Variants in WWTR1 observed in about 807,000 individuals in gnomAD.
WWTR1 encodes the protein WW domain containing transcription regulator 1.
WWTR1 carries 13 observed loss-of-function variants against 40.1 expected under a neutral mutation model. The observed-to-expected ratio is 0.32, with a 90% confidence interval of 0.21 to 0.52. The LOEUF (loss-of-function observed/expected upper bound fraction) is 0.52, where lower values mean the gene tolerates loss of function less well. Among genes scored for constraint, WWTR1 ranks in the 20% least tolerant of loss-of-function variants. The pLI is 0.97. For synonymous variants in WWTR1, 230 were observed against 210.1 expected (o/e 1.09, Z -0.82); for missense variants, 436 against 523.1 (o/e 0.83, Z 1.63).
At chr3:149,642,718 T>G (rs1432110553) in intron 2 of WWTR1, among the ~76,000 whole-genome samples, 2 of 147,082 alleles carry the variant, frequency 1.4e-5, no homozygotes, top group Non-Finnish European at 3.0e-5. Flanking sequence ...GAGCTTGCAG[T>G]GAGCCGAGAT....
chr3:149,608,673 G>C (rs1022761575), intron 2 of WWTR1, among the ~76,000 whole-genome samples: 5 of 152,114 alleles, frequency 3.3e-5, no homozygotes, highest in Admixed American at 3.3e-4. Context: ...ACAGGTGTGA[G>C]TCACCACGCC....
chr3:149,663,719 C>A (rs35094556), intron 2 of WWTR1, among the ~76,000 whole-genome samples: 1 of 151,918 alleles, frequency 6.6e-6, no homozygotes, highest in Non-Finnish European at 1.5e-5. Context: ...CTTATGAAAC[C>A]GCTCCTAAGA....
intron 1 of WWTR1, among the ~76,000 whole-genome samples, chr3:149,692,068 T>C (rs1714843847): frequency 6.6e-6 from 1 of 151,600 alleles, no homozygotes; most frequent in South Asian, 2.1e-4. Flanking sequence ...ACTCACACTA[T>C]TCCAAAAAAT....
intron 4 of WWTR1, among the ~76,000 whole-genome samples, chr3:149,530,129 C>T (rs1735497953): frequency 6.6e-6 from 1 of 151,936 alleles, no homozygotes; most frequent in African/African-American, 2.4e-5. Flanking sequence ...GGGTGGATCA[C>T]GAGGTCAGGA....
chr3:149,526,646 G>A (rs891016430), intron 5 of WWTR1, among the ~76,000 whole-genome samples: 1 of 152,178 alleles, frequency 6.6e-6, no homozygotes, highest in Non-Finnish European at 1.5e-5. Flanking sequence ...GCAAATCTGG[G>A]TAGTGGGTAC....
chr3:149,619,290 G>A (rs1220496763), intron 2 of WWTR1, among the ~76,000 whole-genome samples: 1 of 152,062 alleles, frequency 6.6e-6, no homozygotes, highest in Non-Finnish European at 1.5e-5. Flanking sequence ...ACGCTGACAG[G>A]AGTTTCTACG....
chr3:149,535,780 G>C (rs1207971441), intron 4 of WWTR1, among the ~76,000 whole-genome samples: 1 of 151,208 alleles, frequency 6.6e-6, no homozygotes, highest in Admixed American at 6.6e-5. Context: ...TGGGAGGCCA[G>C]GGTGGGCAGA....
chr3:149,522,676 C>T (rs1735112456), intron 6 of WWTR1, among the ~76,000 whole-genome samples: 1 of 152,028 alleles, frequency 6.6e-6, no homozygotes, highest in African/African-American at 2.4e-5. Context: ...TTCATTTTTA[C>T]TAATTTCCCA....
intron 6 of WWTR1, among the ~76,000 whole-genome samples, chr3:149,523,938 A>G (rs1001277427): frequency 1.3e-5 from 2 of 152,094 alleles, no homozygotes; most frequent in African/African-American, 4.8e-5. Context: ...ACATTCCCAC[A>G]CTCAATGAGC....
At chr3:149,719,166 CTT>C (rs111311566) in intron 4 of WWTR1, among the ~76,000 whole-genome samples, 3 of 141,220 alleles carry the variant, frequency 2.1e-5, no homozygotes, top group East Asian at 4.2e-4. Context: ...TATTCTTTTT[CTT>C]TTTTTTTTTT....
intron 2 of WWTR1, among the ~76,000 whole-genome samples, chr3:149,645,149 A>G (rs576678262): frequency 3.3e-4 from 50 of 149,718 alleles, no homozygotes; most frequent in African/African-American, 1.1e-3. Context: ...GCGCGATCTC[A>G]GCTCACTACA....
rs148714954 is a variant in WWTR1 at position 149,668,101 on chromosome 3, A to T, written c.-4+1687T>A. On this transcript the variant is annotated intron_variant, in intron 2 of 7. Transcript: ENST00000465804. ...TCTGGTTAGTTGGCATTAAATCTAT[A>T]AAAATAATACTGGTTAATGGCTTTT... is the stretch of plus-strand genomic sequence containing the variant. Among the ~76,000 whole-genome samples, 683 of 152,304 alleles carry T rather than the reference A, an allele frequency of 4.5e-3. 4 individuals are homozygous for T. The highest frequency in any genetic ancestry group is 0.015 in the African/African-American group (643 of 41,552).
chr3:149,544,523 T>TA (rs1213153392), intron 3 of WWTR1, among the ~76,000 whole-genome samples: 1 of 152,202 alleles, frequency 6.6e-6, no homozygotes, highest in African/African-American at 2.4e-5. Context: ...ATGAAACTGT[T>TA]AGGCTACATA....
chr3:149,688,276 T>C (rs1489031701), intron 1 of WWTR1, among the ~76,000 whole-genome samples: 1 of 151,974 alleles, frequency 6.6e-6, no homozygotes, highest in Non-Finnish European at 1.5e-5. Flanking sequence ...CCTTAGGCCT[T>C]GAGTAAACAT....
intron 1 of WWTR1, among the ~76,000 whole-genome samples, chr3:149,681,016 G>T (rs557112180): frequency 1.3e-5 from 2 of 152,284 alleles, no homozygotes; most frequent in African/African-American, 4.8e-5. Context: ...TACATCTGTA[G>T]TACCTTGTAC....
At chr3:149,618,988 G>A (rs553671679) in intron 2 of WWTR1, among the ~76,000 whole-genome samples, 11 of 152,280 alleles carry the variant, frequency 7.2e-5, no homozygotes, top group Non-Finnish European at 1.5e-4. Flanking sequence ...CAGGCTGCTT[G>A]CCAAACAAGG....
intron 2 of WWTR1, among the ~76,000 whole-genome samples, chr3:149,583,550 GA>G (rs1738254838): frequency 6.6e-6 from 1 of 152,294 alleles, no homozygotes; most frequent in East Asian, 1.9e-4. Context: ...AATTACCACT[GA>G]AAAACTTTTG....
intron 2 of WWTR1, among the ~76,000 whole-genome samples, chr3:149,622,468 A>G (rs1459742078): frequency 1.0e-5 from 1 of 95,814 alleles, no homozygotes; most frequent in Non-Finnish European, 2.3e-5. Context: ...GAAGGAAGGA[A>G]GGAAGGAAGG....
intron 2 of WWTR1, among the ~76,000 whole-genome samples, chr3:149,655,407 T>G (rs897910721): frequency 6.6e-6 from 1 of 152,178 alleles, no homozygotes; most frequent in African/African-American, 2.4e-5. Context: ...ATTGTGCCAC[T>G]GCACTCCAGC....
Sources: gnomAD v4.1 joint callset for allele counts (sites outside exome capture counted in the v4.1 genomes callset) on GRCh38, gnomAD v4.1.1 for gene constraint, MANE v1.5 for transcripts, NCBI Gene and HGNC (gene_info 2026-07-23, HGNC 2026-07-21) for gene names.